The following MYOM1 variants were observed in gnomAD, a reference collection of about 807,000 sequenced individuals.
The protein encoded by MYOM1 is myomesin-1.
In MYOM1, 164 loss-of-function variants were observed where a neutral mutation model predicts 205.3. That is an observed-to-expected ratio of 0.80 (90% CI 0.70 to 0.91). The LOEUF (loss-of-function observed/expected upper bound fraction) is 0.91. MYOM1 is among the 40% of genes least tolerant of loss of function. The probability of loss-of-function intolerance (pLI) is 0.00; values close to 1 mark genes in which losing one functional copy is unlikely to be tolerated. For missense variants in MYOM1, 2,011 were observed against 2,127.3 expected, an observed-to-expected ratio of 0.95 and a Z score of 1.08; for synonymous variants, 772 against 789.4, an observed-to-expected ratio of 0.98 and a Z score of 0.37.
chr18:3,120,561 GA>G (rs1054698245), intron 19 of MYOM1, among the ~76,000 whole-genome samples: 27 of 152,248 alleles, frequency 1.8e-4, no homozygotes, highest in Admixed American at 3.9e-4. Context: ...CTGATAACCG[GA>G]TTGCAGCCCT....
At chr18:3,191,919 A>G (rs543463963) in intron 3 of MYOM1, among the ~76,000 whole-genome samples, 26 of 152,156 alleles carry the variant, frequency 1.7e-4, no homozygotes, top group African/African-American at 5.8e-4. Context: ...GATGGTCTCA[A>G]TCTCCTGACA....
intron 25 of MYOM1, 75 bp from the exon 26 acceptor site, chr18:3,094,381 A>C: frequency 3.8e-6 from 2 of 522,682 alleles, no homozygotes; most frequent in Non-Finnish European, 2.4e-6. Flanking sequence ...CATCAAGTGA[A>C]AAAAAAAAAA....
chr18:3,144,096 C>T (rs1226215494), intron 13 of MYOM1, among the ~76,000 whole-genome samples: 4 of 151,878 alleles, frequency 2.6e-5, no homozygotes, highest in Admixed American at 1.3e-4. Flanking sequence ...GTCCCAGCTA[C>T]TCAGGAGCCT....
In MYOM1 at chr18:3,170,169, A is replaced by C. The variant is rs117034594; in HGVS notation, c.1175-1188T>G. ...AACTGTAGTGCAAGGGGAAATAAAG[A>C]AGGGTTAGTTAATGGGTACAAAAAT... On this transcript the variant is annotated intron_variant, in intron 8 of 37. Transcript: ENST00000356443. Among the ~76,000 whole-genome samples the C allele has an allele frequency of 7.1e-4, 108 of 152,338 alleles. 2 individuals are homozygous for C. In the East Asian group the frequency reaches 0.019, roughly 27 times the overall value.
Position 3,083,882 on chromosome 18 carries a change from G to A in MYOM1, c.4391C>T (p.Thr1464Ile). 1 of 1,581,132 alleles carries A rather than the reference G, an allele frequency of 6.3e-7. No individual in the cohort carries two copies. Among genetic ancestry groups the A allele is most frequent in the Non-Finnish European group, 8.6e-7 (1 of 1,162,014 alleles). ...GGCTGTGCTCTGGATTTTCAGGTCT[G>A]TAGCAGACAAAGCTGAAAGAAGAAA... is the stretch of plus-strand genomic sequence containing the variant. Reference protein sequence around the residue: ...EVCKKIALSATDLKIQSTAEG... With the variant: ...EVCKKIALSAIDLKIQSTAEG... The change falls in exon 33 of 38, where the codon ACA becomes ATA. Residue 1464 changes from threonine to isoleucine, a missense_variant. Thr to Ile is a moderately conservative substitution (Grantham distance 89). Transcript: ENST00000356443.
intron 33 of MYOM1, among the ~76,000 whole-genome samples, chr18:3,081,863 C>T (rs745831701): frequency 1.3e-5 from 2 of 152,156 alleles, no homozygotes; most frequent in African/African-American, 2.4e-5. Context: ...GTAAAGTCAT[C>T]TTAAAGAAAA....
intron 27 of MYOM1, among the ~76,000 whole-genome samples, chr18:3,090,131 G>A (rs1394210611): frequency 6.6e-6 from 1 of 151,922 alleles, no homozygotes; most frequent in Non-Finnish European, 1.5e-5. Context: ...TCTTGCCTGT[G>A]AGCTAGGAAT....
At chr18:3,180,176 C>T (rs2080708935) in intron 5 of MYOM1, among the ~76,000 whole-genome samples, 1 of 152,114 alleles carries the variant, frequency 6.6e-6, no homozygotes, top group Non-Finnish European at 1.5e-5. Flanking sequence ...TATTTTGCAG[C>T]TCCCATAGTT....
At chr18:3,127,180 G>A (rs1196888041) in intron 18 of MYOM1, among the ~76,000 whole-genome samples, 2 of 149,462 alleles carry the variant, frequency 1.3e-5, no homozygotes, top group African/African-American at 4.9e-5. Context: ...TTTTCCCAAG[G>A]TATAATTTTT....
intron 36 of MYOM1, among the ~76,000 whole-genome samples, chr18:3,074,512 T>C (rs538055085): frequency 6.6e-6 from 1 of 152,334 alleles, no homozygotes; most frequent in Non-Finnish European, 1.5e-5. Flanking sequence ...ATTAGTATTA[T>C]GGATTAGTCA....
At chr18:3,144,803 T>C (rs1264175605) in intron 13 of MYOM1, among the ~76,000 whole-genome samples, 1 of 152,144 alleles carries the variant, frequency 6.6e-6, no homozygotes, top group Admixed American at 6.5e-5. Context: ...ATACATCTAA[T>C]AACATCCCAA....
rs750811299 is a variant in MYOM1 at position 3,214,894 on chromosome 18, T to C, written c.290+40A>G. 9 of 1,536,972 alleles carry C rather than the reference T, an allele frequency of 5.9e-6. No individual in the cohort carries two copies. In the African/African-American group the frequency reaches 1.1e-4, roughly 19 times the overall value. On this transcript the variant is annotated intron_variant, in intron 2 of 37. Transcript: ENST00000356443. ...GAGGGTTACTCAGAGCACACGCCTC[T>C]TCCTGAGGTTGGAAGGTTGGAGGAG...
chr18:3,119,013 A>C (rs895412905), intron 20 of MYOM1, among the ~76,000 whole-genome samples: 1 of 152,142 alleles, frequency 6.6e-6, no homozygotes, highest in African/African-American at 2.4e-5. Flanking sequence ...ATACCTTACT[A>C]TTGCTAGTTT....
chr18:3,165,449 TTAA>T (rs1165774970), intron 9 of MYOM1, among the ~76,000 whole-genome samples: 5 of 151,920 alleles, frequency 3.3e-5, no homozygotes, highest in South Asian at 4.1e-4. Context: ...GTCTTCCTTG[TTAA>T]TAATAGGCTT....
At chr18:3,117,630 G>A (rs1356896903) in intron 20 of MYOM1, among the ~76,000 whole-genome samples, 2 of 152,034 alleles carry the variant, frequency 1.3e-5, no homozygotes, top group Non-Finnish European at 2.9e-5. Flanking sequence ...CAGCTGCTAC[G>A]CAGGTGAAAA....
At chr18:3,147,763 T>C (rs577642037) in intron 13 of MYOM1, among the ~76,000 whole-genome samples, 3 of 152,194 alleles carry the variant, frequency 2.0e-5, no homozygotes, top group Non-Finnish European at 2.9e-5. Flanking sequence ...ATCTTTTCAA[T>C]AGATATTGCT....
intron 2 of MYOM1, among the ~76,000 whole-genome samples, chr18:3,202,885 T>G (rs28835616): frequency 0.18 from 27,170 of 151,734 alleles, 2,511 homozygotes; most frequent in East Asian, 0.22. Context: ...TCAAGGAGGG[T>G]TCATATGGTA....
chr18:3,229,385 GAAAA>G, the MYOM1 span, among the ~76,000 whole-genome samples: 1 of 106,506 alleles, frequency 9.4e-6, no homozygotes, highest in African/African-American at 3.5e-5. Flanking sequence ...CAACCCAAGA[GAAAA>G]AAAAAAAAAA....
In MYOM1 at chr18:3,142,067, A is replaced by C. The variant is rs1054418598; in HGVS notation, c.1901-4T>G. 7 of 1,612,790 alleles carry C rather than the reference A, an allele frequency of 4.3e-6. No individual in the cohort carries two copies. The highest frequency in any genetic ancestry group is 5.9e-6 in the Non-Finnish European group (7 of 1,179,190). ...GGGGGGCCAGGCACAATACCCTCTG[A>C]AAAACAACAAGGAAAAATGAGAAGC... On this transcript the variant is annotated splice_polypyrimidine_tract_variant and splice_region_variant and intron_variant, in intron 13 of 37. Transcript: ENST00000356443.
Sources: gnomAD v4.1 joint callset for allele counts (sites outside exome capture counted in the v4.1 genomes callset) on GRCh38, gnomAD v4.1.1 for gene constraint, MANE v1.5 for transcripts, NCBI Gene and HGNC (gene_info 2026-07-23, HGNC 2026-07-21) for gene names.